The following NTMT1 variants were observed in gnomAD, a reference collection of about 807,000 sequenced individuals.
NTMT1 encodes the protein N-terminal RCC1 methyltransferase.
A neutral mutation model predicts 17.5 loss-of-function variants in NTMT1; 8 were observed. The ratio of observed to expected loss-of-function variants is 0.46; its 90% CI spans 0.27 to 0.82. The LOEUF (loss-of-function observed/expected upper bound fraction) is 0.82, where lower values mean the gene tolerates loss of function less well. NTMT1 is among the 40% of genes least tolerant of loss of function. NTMT1 has a pLI of 0.15. For missense variants in NTMT1, 221 were observed against 303.5 expected (o/e 0.73, Z 2.02); for synonymous variants, 128 against 126.8 (o/e 1.01, Z -0.06).
chr9:129,631,418 G>A (rs575593355), intron 1 of NTMT1, among the ~76,000 whole-genome samples: 2 of 152,348 alleles, frequency 1.3e-5, no homozygotes, highest in East Asian at 1.9e-4. Context: ...CGTGGAGCAC[G>A]GAGCCGCCCA....
intron 3 of NTMT1, 44 bp downstream of exon 3, chr9:129,634,350 G>A: frequency 6.5e-7 from 1 of 1,549,520 alleles, no homozygotes; most frequent in Non-Finnish European, 8.7e-7. Context: ...TATGTCTCCT[G>A]CCACTCGCGT....
At position 129,632,838 on chromosome 9, in the gene NTMT1, C is replaced by T. The variant is rs1271044201; in HGVS notation, c.135C>T (p.Ser45=). ...GHISSIDINS[S]RKFLQRFLRE... ...TCTCCAGCATCGACATCAACAGCTC[C>T]CGGAAGTTTCTGCAGAGGTTTTTGA... Residue 45 remains serine, a synonymous_variant, in exon 2 of 4, where the codon TCC becomes TCT. Transcript: ENST00000372483. The T allele has an allele frequency of 1.2e-6, 2 of 1,614,028 alleles. No individual in the cohort carries two copies. Among genetic ancestry groups the T allele is most frequent in the Non-Finnish European group, 1.7e-6 (2 of 1,180,014 alleles).
rs1236649017 is a variant in NTMT1, at chr9:129,613,937, A to G, written c.-55+4759A>G. On this transcript the variant is annotated intron_variant, in intron 1 of 3. Transcript: ENST00000372486. The surrounding 1 kb of genome is among the most constrained non-coding windows in gnomAD (Gnocchi z 6.2). ...TGAGGGCTTCAGGGAGGGCTGTCTC[A>G]GGGATGGGGGCTCTTCCTGTCCAAC... Among the ~76,000 whole-genome samples, 1 of 152,164 alleles carries G rather than the reference A, an allele frequency of 6.6e-6. No individual in the cohort carries two copies. Among genetic ancestry groups the G allele is most frequent in the Non-Finnish European group, 1.5e-5 (1 of 68,024 alleles).
At chr9:129,632,000 T>C (rs1343004493) in intron 1 of NTMT1, among the ~76,000 whole-genome samples, 1 of 152,204 alleles carries the variant, frequency 6.6e-6, no homozygotes, top group Non-Finnish European at 1.5e-5. Flanking sequence ...CGTGAGTTGT[T>C]GCTGTGCTCT....
chr9:129,620,425 C>A lies in NTMT1; in HGVS notation c.-55+11247C>A. ...CGCCGCCCCCCGGGATCCTCCAGTCCCCGGAGCCCCGCGCGCCCAGAGCCG... is the reference window on the plus strand; with the variant it reads ...CGCCGCCCCCCGGGATCCTCCAGTCACCGGAGCCCCGCGCGCCCAGAGCCG... On this transcript the variant is annotated intron_variant, in intron 1 of 3. Transcript: ENST00000372486. The surrounding 1 kb of genome is among the most constrained non-coding windows in gnomAD (Gnocchi z 5.8). 10 of 1,259,626 alleles carry A rather than the reference C, an allele frequency of 7.9e-6. No homozygotes were observed. Among genetic ancestry groups the A allele is most frequent in the Non-Finnish European group, 1.0e-5 (10 of 1,002,494 alleles). 78.0% of individuals were successfully genotyped at this position (1,259,626 alleles called of 1,614,324 possible). A position where few individuals can be genotyped will look rare whatever the true frequency, so the allele number is the denominator to read the frequency against.
At chr9:129,619,678 T>C (rs1427052534) in intron 1 of NTMT1, 12 of 1,610,650 alleles carry the variant, frequency 7.5e-6, no homozygotes, top group Non-Finnish European at 9.3e-6. Flanking sequence ...GTGGCCAGGC[T>C]GTCCCGCCCT....
At chr9:129,612,582 G>A (rs1588107786) in intron 1 of NTMT1, 2 of 708,668 alleles carry the variant, frequency 2.8e-6, no homozygotes, top group Non-Finnish European at 4.8e-6. Flanking sequence ...TAAAAGATGA[G>A]GAAACAAATG....
chr9:129,620,226 T>A lies in NTMT1; in HGVS notation c.-55+11048T>A. ...TCGCGCTCTCCAGGCCCTGGCTGCCTGGGCGCCGATTCCCGGGACGCGCCG... is the reference window on the plus strand; with the variant it reads ...TCGCGCTCTCCAGGCCCTGGCTGCCAGGGCGCCGATTCCCGGGACGCGCCG... On this transcript the variant is annotated intron_variant, in intron 1 of 3. Coordinates refer to the NTMT1 transcript ENST00000372486. This position sits in a 1 kb window ranked among gnomAD's most constrained non-coding sequence, Gnocchi z 5.8. 7.4e-7 allele frequency: 1 copy of A among 1,348,592 alleles called. No homozygotes were observed. Among genetic ancestry groups the A allele is most frequent in the Non-Finnish European group, 9.6e-7 (1 of 1,044,070 alleles). 83.5% of individuals were successfully genotyped at this position (1,348,592 alleles called of 1,614,324 possible).
rs1231877136 is a variant in NTMT1, at chr9:129,632,835, C to T, written c.132C>T (p.Ser44=). 6.2e-7 allele frequency: 1 copy of T among 1,614,174 alleles called. No homozygotes were observed. The highest frequency in any genetic ancestry group is 8.5e-7 in the Non-Finnish European group (1 of 1,180,020). The change falls in exon 2 of 4, where the codon AGC becomes AGT. Residue 44 remains serine, a synonymous_variant. Transcript: ENST00000372483. ...ACATCTCCAGCATCGACATCAACAG[C>T]TCCCGGAAGTTTCTGCAGAGGTTTT... is the stretch of plus-strand genomic sequence containing the variant. ...YGHISSIDIN[S]SRKFLQRFLR...
chr9:129,627,967 G>A (rs771554573), intron 1 of NTMT1, among the ~76,000 whole-genome samples: 5 of 152,230 alleles, frequency 3.3e-5, no homozygotes, highest in Non-Finnish European at 4.4e-5. Context: ...ACACCTTGGC[G>A]GGGAGGAGGA....
At chr9:129,615,938 G>A (rs765375197) in intron 1 of NTMT1, among the ~76,000 whole-genome samples, 2 of 152,238 alleles carry the variant, frequency 1.3e-5, no homozygotes, top group Non-Finnish European at 2.9e-5. Flanking sequence ...CCAAGGCGAT[G>A]CAGCTGTCAG....
chr9:129,625,402 T>C (rs1359362370), upstream of NTMT1, among the ~76,000 whole-genome samples: 2 of 152,198 alleles, frequency 1.3e-5, no homozygotes, highest in East Asian at 3.8e-4. Flanking sequence ...AATGGCTTTT[T>C]TTTCCCTTTT....
Position 129,635,663 on chromosome 9 carries a change from G to A in NTMT1, c.*199G>A, listed in dbSNP as rs1204242869. On this transcript the variant is annotated 3_prime_UTR_variant, in exon 4 of 4. Transcript: ENST00000372483. ...GCGGGGAGGGTGCTGCTGAACCAGC[G>A]GTGAGGCAGGAGCCCAGACCCTGCT... 16 of 650,262 alleles carry A rather than the reference G, an allele frequency of 2.5e-5. No individual in the cohort carries two copies. Among genetic ancestry groups the A allele is most frequent in the South Asian group, 3.9e-5 (2 of 51,898 alleles). 40.3% of individuals were successfully genotyped at this position (650,262 alleles called of 1,614,324 possible).
intron 1 of NTMT1, among the ~76,000 whole-genome samples, chr9:129,610,381 G>A (rs1830086928): frequency 6.7e-6 from 1 of 149,196 alleles, no homozygotes; most frequent in Non-Finnish European, 1.5e-5. Context: ...GACCCGCCCC[G>A]GGGGCTCCAC....
intron 1 of NTMT1, among the ~76,000 whole-genome samples, chr9:129,610,540 A>C (rs925016456): frequency 2.6e-5 from 4 of 151,892 alleles, no homozygotes; most frequent in Non-Finnish European, 5.9e-5. Flanking sequence ...GGCTCGGAGC[A>C]GGTGCCAGGA....
chr9:129,615,647 G>C, intron 1 of NTMT1: 1 of 1,551,964 alleles, frequency 6.4e-7, no homozygotes, highest in Non-Finnish European at 8.7e-7. Flanking sequence ...CGTGGGGCCT[G>C]CTGAGAGAGG....
upstream of NTMT1, among the ~76,000 whole-genome samples, chr9:129,625,770 G>A (rs1185815878): frequency 6.6e-6 from 1 of 151,984 alleles, no homozygotes; most frequent in Non-Finnish European, 1.5e-5. Context: ...CCAACACTTC[G>A]GAAGGCAGAG....
At chr9:129,621,964 A>G (rs1830738435), upstream of NTMT1, among the ~76,000 whole-genome samples, 1 of 152,148 alleles carries the variant, frequency 6.6e-6, no homozygotes, top group Non-Finnish European at 1.5e-5. Flanking sequence ...CTTCAGGGTC[A>G]TTGTGATCCG....
intron 1 of NTMT1, among the ~76,000 whole-genome samples, chr9:129,632,071 G>C (rs775693242): frequency 2.0e-5 from 3 of 152,154 alleles, no homozygotes; most frequent in African/African-American, 7.2e-5. Context: ...TGGTGCTCTC[G>C]GCTTTGCGGT....
Sources: gnomAD v4.1 joint callset for allele counts (sites outside exome capture counted in the v4.1 genomes callset) on GRCh38, gnomAD v4.1.1 for gene constraint, Gnocchi (gnomAD v3.1) non-coding constraint, MANE v1.5 for transcripts, NCBI Gene and HGNC (gene_info 2026-07-23, HGNC 2026-07-21) for gene names.